Variants in TEX9 observed in about 807,000 individuals in gnomAD.
TEX9 encodes the protein testis-expressed protein 9.
A neutral mutation model predicts 59.6 loss-of-function variants in TEX9; 74 were observed. That is an observed-to-expected ratio of 1.24 (90% CI 1.03 to 1.51). The LOEUF (loss-of-function observed/expected upper bound fraction) is 1.51. TEX9 is among the 40% of genes most tolerant of loss of function. The probability of loss-of-function intolerance (pLI) is 0.00; values close to 1 mark genes in which losing one functional copy is unlikely to be tolerated. For synonymous variants in TEX9, 186 were observed against 152.2 expected (o/e 1.22, Z -1.64); for missense variants, 522 against 447.8 (o/e 1.17, Z -1.49).
At chr15:56,440,262 T>C (rs568312433) in intron 12 of TEX9, among the ~76,000 whole-genome samples, 78 of 152,246 alleles carry the variant, frequency 5.1e-4, no homozygotes, top group African/African-American at 1.8e-3. Context: ...TAAAAAATTG[T>C]TGAGCTTCTG....
At chr15:56,333,021 A>G (rs1340672375) in intron 1 of TEX9, among the ~76,000 whole-genome samples, 1 of 152,206 alleles carries the variant, frequency 6.6e-6, no homozygotes, top group Non-Finnish European at 1.5e-5. Context: ...GCTGGAAGCC[A>G]TAATAAAAAG....
intron 1 of TEX9, among the ~76,000 whole-genome samples, chr15:56,306,856 G>A (rs1417164458): frequency 6.6e-6 from 1 of 152,104 alleles, no homozygotes; most frequent in Admixed American, 6.5e-5. Context: ...AATATCTCAT[G>A]TATCCCATAA....
the TEX9 span, among the ~76,000 whole-genome samples, chr15:56,457,402 T>C: frequency 6.6e-6 from 1 of 152,144 alleles, no homozygotes; most frequent in Admixed American, 6.5e-5. Context: ...TACGTACCTA[T>C]TGGAATGGCT....
the TEX9 span, among the ~76,000 whole-genome samples, chr15:56,455,358 T>G: frequency 1.3e-5 from 2 of 151,726 alleles, no homozygotes; most frequent in African/African-American, 2.4e-5. Context: ...TTAACAGTAA[T>G]TCTAAATTTC....
chr15:56,301,920 A>G (rs1298759517), intron 1 of TEX9, among the ~76,000 whole-genome samples: 2 of 152,206 alleles, frequency 1.3e-5, no homozygotes, highest in Non-Finnish European at 2.9e-5. Flanking sequence ...AATTGTGTGT[A>G]AACTACTCAT....
chr15:56,451,142 A>G, the TEX9 span, among the ~76,000 whole-genome samples: 1 of 152,200 alleles, frequency 6.6e-6, no homozygotes, highest in East Asian at 1.9e-4. Flanking sequence ...CAGAGATACA[A>G]TTTGTTCTTC....
chr15:56,246,105 G>A (rs2043849372), intron 1 of TEX9, among the ~76,000 whole-genome samples: 1 of 152,182 alleles, frequency 6.6e-6, no homozygotes, highest in South Asian at 2.1e-4. Context: ...TCGCTACCGG[G>A]TGTCACACAG....
chr15:56,263,753 T>A (rs1262571114), intron 1 of TEX9, among the ~76,000 whole-genome samples: 7 of 152,254 alleles, frequency 4.6e-5, no homozygotes, highest in Non-Finnish European at 4.4e-5. Context: ...ACCTCTTTTC[T>A]ATCCCTCTAG....
intron 1 of TEX9, among the ~76,000 whole-genome samples, chr15:56,295,557 A>G (rs2045198318): frequency 6.6e-6 from 1 of 152,204 alleles, no homozygotes; most frequent in Non-Finnish European, 1.5e-5. Context: ...AAGCACTGTC[A>G]TCTCCACCTG....
intron 1 of TEX9, among the ~76,000 whole-genome samples, chr15:56,343,568 TC>T (rs2046411784): frequency 6.6e-6 from 1 of 152,090 alleles, no homozygotes; most frequent in Non-Finnish European, 1.5e-5. Context: ...TTCACTATGA[TC>T]TTGTATTAAC....
intron 9 of TEX9, among the ~76,000 whole-genome samples, chr15:56,399,728 T>C (rs1261075182): frequency 6.6e-6 from 1 of 152,168 alleles, no homozygotes; most frequent in Non-Finnish European, 1.5e-5. Context: ...AGACACCTCA[T>C]GTAGGTGGGT....
At chr15:56,347,306 T>C (rs1385360424) in intron 1 of TEX9, among the ~76,000 whole-genome samples, 1 of 152,130 alleles carries the variant, frequency 6.6e-6, no homozygotes, top group Non-Finnish European at 1.5e-5. Flanking sequence ...AAATTGAGGA[T>C]AAGTCTACTC....
At chr15:56,352,490 C>T (rs1299826912) in intron 1 of TEX9, among the ~76,000 whole-genome samples, 6 of 151,694 alleles carry the variant, frequency 4.0e-5, no homozygotes, top group East Asian at 1.9e-4. Context: ...TGACCTCAGG[C>T]GATCCGCTCG....
At chr15:56,394,020 G>A (rs1465314206) in intron 7 of TEX9, 145 bp from the exon 8 acceptor site, 4 of 600,990 alleles carry the variant, frequency 6.7e-6, no homozygotes, top group Admixed American at 3.5e-5. Context: ...GGACTGTTGA[G>A]TACCTATAGT....
intron 1 of TEX9, among the ~76,000 whole-genome samples, chr15:56,300,382 A>T (rs142920859): frequency 6.6e-6 from 1 of 151,814 alleles, no homozygotes; most frequent in African/African-American, 2.4e-5. Context: ...AAGGTTCCTG[A>T]CTCCAGGCCC....
chr15:56,277,618 G>C (rs1490266444), intron 1 of TEX9, among the ~76,000 whole-genome samples: 1 of 152,200 alleles, frequency 6.6e-6, no homozygotes, highest in Non-Finnish European at 1.5e-5. Context: ...CTCCAGCTTT[G>C]TTCTTCTTGC....
At chr15:56,355,313 T>C (rs1015645887) in intron 1 of TEX9, among the ~76,000 whole-genome samples, 59 of 152,324 alleles carry the variant, frequency 3.9e-4, no homozygotes, top group African/African-American at 1.4e-3. Flanking sequence ...CACTGTCAAA[T>C]TACTTTCTAT....
intron 9 of TEX9, among the ~76,000 whole-genome samples, chr15:56,401,251 GACAC>G (rs1479550552): frequency 8.0e-5 from 10 of 125,468 alleles, no homozygotes; most frequent in Non-Finnish European, 1.6e-4. Flanking sequence ...CATGTGCAGA[GACAC>G]ACACAGGCTC....
intron 12 of TEX9, among the ~76,000 whole-genome samples, chr15:56,437,043 A>T (rs887974512): frequency 3.9e-5 from 6 of 152,350 alleles, no homozygotes; most frequent in Middle Eastern, 3.4e-3. Flanking sequence ...AGCTGGTATC[A>T]TTCCTTCTGA....
Sources: gnomAD v4.1 joint callset for allele counts (sites outside exome capture counted in the v4.1 genomes callset) on GRCh38, gnomAD v4.1.1 for gene constraint, MANE v1.5 for transcripts, NCBI Gene and HGNC (gene_info 2026-07-23, HGNC 2026-07-21) for gene names.